Variants in ULK4 observed in about 807,000 individuals in gnomAD.
ULK4 encodes unc-51 like kinase 4.
ULK4 carries 133 observed loss-of-function variants against 160.6 expected under a neutral mutation model. The observed-to-expected ratio is 0.83, with a 90% confidence interval of 0.72 to 0.96. The LOEUF (loss-of-function observed/expected upper bound fraction) is 0.96, where lower values mean the gene tolerates loss of function less well. ULK4 is among the 40% of genes least tolerant of loss of function. The pLI, the probability that ULK4 is intolerant of heterozygous loss-of-function variation, is 0.00. For missense variants in ULK4, 1,580 were observed against 1,499.5 expected, an observed-to-expected ratio of 1.05 and a Z score of -0.89; for synonymous variants, 534 against 539.8, an observed-to-expected ratio of 0.99 and a Z score of 0.15.
At chr3:41,671,769 A>G (rs1235311776) in intron 29 of ULK4, among the ~76,000 whole-genome samples, 1 of 152,162 alleles carries the variant, frequency 6.6e-6, no homozygotes, top group East Asian at 1.9e-4. Context: ...TAAAGTCAAC[A>G]GATTGAAGAG....
At chr3:41,499,560 A>G (rs1037067685) in intron 32 of ULK4, among the ~76,000 whole-genome samples, 1 of 152,184 alleles carries the variant, frequency 6.6e-6, no homozygotes, top group African/African-American at 2.4e-5. Context: ...TGCAAAATGA[A>G]AAGGATGGGA....
intron 32 of ULK4, among the ~76,000 whole-genome samples, chr3:41,523,555 T>C (rs2086008015): frequency 6.6e-6 from 1 of 152,202 alleles, no homozygotes; most frequent in African/African-American, 2.4e-5. Flanking sequence ...AATACATTTT[T>C]ATGGATTTTT....
chr3:41,954,221 G>T (rs867052845), intron 2 of ULK4, among the ~76,000 whole-genome samples: 1 of 150,702 alleles, frequency 6.6e-6, no homozygotes, highest in Admixed American at 6.6e-5. Context: ...TTAGCCAGGC[G>T]TGGTGGTATG....
At chr3:41,798,551 T>C (rs2040366654) in intron 20 of ULK4, among the ~76,000 whole-genome samples, 1 of 152,072 alleles carries the variant, frequency 6.6e-6, no homozygotes, top group Admixed American at 6.6e-5. Flanking sequence ...AAAATTTCCA[T>C]AAATACCCAC....
intron 27 of ULK4, among the ~76,000 whole-genome samples, chr3:41,688,591 A>G (rs6776180): frequency 0.015 from 2,275 of 152,186 alleles, 54 homozygotes; most frequent in African/African-American, 0.05. Context: ...ACAGAATGTC[A>G]ATTTCTTTAG....
chr3:41,339,494 G>T (rs771926500), intron 35 of ULK4, among the ~76,000 whole-genome samples: 2 of 152,094 alleles, frequency 1.3e-5, no homozygotes, highest in Non-Finnish European at 2.9e-5. Context: ...ACTGTGCTCC[G>T]TTTCCTCCCC....
intron 34 of ULK4, among the ~76,000 whole-genome samples, chr3:41,430,204 A>C (rs572105997): frequency 2.0e-5 from 3 of 152,362 alleles, no homozygotes; most frequent in African/African-American, 7.2e-5. Flanking sequence ...TAACAGTAGA[A>C]ACTTAACAAA....
At chr3:41,429,921 T>C (rs146041879) in intron 34 of ULK4, among the ~76,000 whole-genome samples, 77 of 152,268 alleles carry the variant, frequency 5.1e-4, no homozygotes, top group Middle Eastern at 3.4e-3. Context: ...TTAAAATTCT[T>C]TTTAAAAAGT....
intron 5 of ULK4, among the ~76,000 whole-genome samples, chr3:41,928,261 A>T (rs539024485): frequency 6.6e-6 from 1 of 152,322 alleles, no homozygotes; most frequent in South Asian, 2.1e-4. Flanking sequence ...CTGGGTAAAT[A>T]ATGAAATGAA....
At position 41,274,436 on chromosome 3, in the gene ULK4, T is replaced by C. The variant is rs563093407; in HGVS notation, c.3679-24862A>G. 2.5e-4 allele frequency among the ~76,000 whole-genome samples: 38 copies of C among 152,340 alleles called. No individual in the cohort carries two copies. The South Asian group carries it at 7.9e-3, about 32-fold the overall frequency. On this transcript the variant is annotated intron_variant, in intron 35 of 36. Transcript: ENST00000301831. ...TCTGTGTGGGAATGTCTGAGATGTT[T>C]GTGCTCTGCGCTGCCCACTTATCTG...
Position 41,320,995 on chromosome 3 carries a change from A to G in ULK4, c.3679-71421T>C, listed in dbSNP as rs1021499580. On this transcript the variant is annotated intron_variant, in intron 35 of 36. Transcript: ENST00000301831. ...TTTTAAGATGCAGCAATTTAATGCA[A>G]TGATATCTCACTGCCTTTTTTTTTT... 3.9e-5 allele frequency among the ~76,000 whole-genome samples: 6 copies of G among 152,306 alleles called. No homozygotes were observed. In the East Asian group the frequency reaches 1.2e-3, roughly 29 times the overall value.
chr3:41,467,619 C>T (rs113447190), intron 32 of ULK4, among the ~76,000 whole-genome samples: 3,074 of 152,208 alleles, frequency 0.02, 109 homozygotes, highest in African/African-American at 0.071. Flanking sequence ...AGTGGAATAT[C>T]ACTTAGCAAC....
At position 41,653,106 on chromosome 3, in the gene ULK4, G is replaced by A. The variant is rs184390423; in HGVS notation, c.3071+10501C>T. On this transcript the variant is annotated intron_variant, in intron 30 of 36. Coordinates refer to ENST00000301831, the MANE Select transcript of ULK4 (RefSeq NM_017886.4). Reference sequence around the variant, plus strand: ...AATTCCTAGAGACAGCAAAGAACTAGCCTTCGGGCATATCTTTCCAATGCA... The same window carrying A: ...AATTCCTAGAGACAGCAAAGAACTAACCTTCGGGCATATCTTTCCAATGCA... Among the ~76,000 whole-genome samples, 60 of 152,232 alleles carry A rather than the reference G, an allele frequency of 3.9e-4. No homozygotes were observed. The East Asian group carries it at 5.6e-3, about 14-fold the overall frequency.
intron 34 of ULK4, among the ~76,000 whole-genome samples, chr3:41,401,542 T>C (rs1250998067): frequency 6.6e-6 from 1 of 152,132 alleles, no homozygotes; most frequent in East Asian, 1.9e-4. Context: ...GAAATGTACA[T>C]GATAGGAACT....
intron 12 of ULK4, among the ~76,000 whole-genome samples, chr3:41,906,148 C>T (rs1246511536): frequency 1.5e-5 from 2 of 132,256 alleles, no homozygotes; most frequent in Non-Finnish European, 3.1e-5. Context: ...ACCCGGGAGG[C>T]GGAGCTTGCA....
chr3:41,303,440 C>T (rs142614694), intron 35 of ULK4, among the ~76,000 whole-genome samples: 7 of 152,304 alleles, frequency 4.6e-5, no homozygotes, highest in Non-Finnish European at 1.0e-4. Flanking sequence ...CAGAAATGTA[C>T]CACTGCATTT....
At chr3:41,955,992 A>T (rs529373537) in intron 1 of ULK4, among the ~76,000 whole-genome samples, 58 of 152,258 alleles carry the variant, frequency 3.8e-4, no homozygotes, top group Middle Eastern at 3.4e-3. Flanking sequence ...CAGGGAACCT[A>T]AGGCTGTTTC....
intron 35 of ULK4, among the ~76,000 whole-genome samples, chr3:41,303,991 G>A (rs558593412): frequency 2.0e-5 from 3 of 152,224 alleles, no homozygotes; most frequent in Non-Finnish European, 2.9e-5. Context: ...AGACAACAGG[G>A]CAGGTGTGAT....
intron 20 of ULK4, among the ~76,000 whole-genome samples, chr3:41,793,607 T>C (rs73828283): frequency 0.12 from 18,826 of 152,098 alleles, 1,343 homozygotes; most frequent in Middle Eastern, 0.27. Flanking sequence ...CCTCCAACCC[T>C]AGTGAGAACC....
Sources: allele counts gnomAD v4.1 joint callset (sites outside exome capture counted in the v4.1 genomes callset), GRCh38; gene constraint gnomAD v4.1.1; transcripts MANE v1.5; gene names NCBI Gene and HGNC (gene_info 2026-07-23, HGNC 2026-07-21).